The following HMGN5 variants were observed in gnomAD, a reference collection of about 807,000 sequenced individuals.
HMGN5 encodes high mobility group nucleosome binding domain 5, also known as high mobility group nucleosome-binding domain-containing protein 5.
Under a neutral mutation model 9.5 loss-of-function variants are expected in HMGN5, and 4 were observed. That is an observed-to-expected ratio of 0.42 (90% CI 0.21 to 0.96). The LOEUF is 0.96. HMGN5 is among the 40% of genes least tolerant of loss of function. The pLI is 0.30. For synonymous variants in HMGN5, 55 were observed against 57.1 expected, an observed-to-expected ratio of 0.96 and a Z score of 0.16; for missense variants, 192 against 187.5, an observed-to-expected ratio of 1.02 and a Z score of -0.14.
At chrX:81,149,064 G>C (rs2075353614) in intron 1 of HMGN5, among the ~76,000 whole-genome samples, 1 of 111,889 alleles carries the variant, frequency 8.9e-6, no homozygotes, top group Non-Finnish European at 1.9e-5. Context: ...GTGGAATCCA[G>C]TGTGGCAATT....
At position 81,114,066 on chromosome X, in the gene HMGN5, AATC is replaced by A. The variant is rs1295664413; in HGVS notation, c.*580_*582del. The A allele has an allele frequency of 4.5e-5, 5 of 112,191 alleles. No homozygotes were observed. Among genetic ancestry groups the A allele is most frequent in the African/African-American group, 6.5e-5 (2 of 30,925 alleles). The allele number at this position is 112,191 out of a possible 1,213,427, so 9.2% of individuals were successfully genotyped here. A position where few individuals can be genotyped will look rare whatever the true frequency, so the allele number is the denominator to read the frequency against. ...TATTTTTGAAGATATAACAAAACAC[AATC>A]ATCGTCAGAGTCTTTTTATTAAGAT... On this transcript the variant is annotated 3_prime_UTR_variant, in exon 7 of 7. Transcript: ENST00000358130.
chrX:81,163,672 T>A (rs2075403634), intron 1 of HMGN5, among the ~76,000 whole-genome samples: 2 of 112,067 alleles, frequency 1.8e-5, no homozygotes, highest in South Asian at 7.3e-4. Flanking sequence ...TCTACCTTCC[T>A]AACCTAAGGA....
At chrX:81,173,022 C>T (rs1415369832) in intron 1 of HMGN5, among the ~76,000 whole-genome samples, 1 of 111,141 alleles carries the variant, frequency 9.0e-6, no homozygotes, top group Admixed American at 9.6e-5. Context: ...AACAATCCTA[C>T]TAGAATTTAT....
chrX:81,162,987 C>T (rs989187696), intron 1 of HMGN5, among the ~76,000 whole-genome samples: 3 of 111,445 alleles, frequency 2.7e-5, no homozygotes, highest in Non-Finnish European at 5.7e-5. Context: ...ATGGGGTCTG[C>T]GTTCCCCTCC....
At chrX:81,146,446 C>T (rs2075343925) in intron 1 of HMGN5, among the ~76,000 whole-genome samples, 1 of 111,017 alleles carries the variant, frequency 9.0e-6, no homozygotes, top group Admixed American at 9.6e-5. Context: ...TCTTTAAAAC[C>T]AAGGGGAACA....
At chrX:81,181,334 A>G (rs899067400) in intron 1 of HMGN5, among the ~76,000 whole-genome samples, 1 of 111,541 alleles carries the variant, frequency 9.0e-6, no homozygotes, top group Admixed American at 9.5e-5. Context: ...GTGGGTACAT[A>G]GTATGTGCAT....
intron 1 of HMGN5, among the ~76,000 whole-genome samples, chrX:81,141,977 C>G (rs1213070673): frequency 8.9e-6 from 1 of 111,811 alleles, no homozygotes; most frequent in Non-Finnish European, 1.9e-5. Context: ...AGAAGGAATT[C>G]AGAATTCTAT....
chrX:81,134,685 T>C (rs1442510583), intron 1 of HMGN5, among the ~76,000 whole-genome samples: 2 of 110,910 alleles, frequency 1.8e-5, no homozygotes, highest in Non-Finnish European at 3.8e-5. Context: ...CCTTGGAAAA[T>C]AAAAATAAAG....
chrX:81,163,888 G>T (rs2075404054), intron 1 of HMGN5, among the ~76,000 whole-genome samples: 1 of 111,378 alleles, frequency 9.0e-6, no homozygotes, highest in Non-Finnish European at 1.9e-5. Context: ...TCTGAGACAG[G>T]TTATTTATTG....
chrX:81,143,088 A>G (rs2075334016), intron 1 of HMGN5, among the ~76,000 whole-genome samples: 1 of 111,564 alleles, frequency 9.0e-6, no homozygotes, highest in Admixed American at 9.6e-5. Flanking sequence ...ATTACATAGT[A>G]TTTGCAAGCC....
intron 1 of HMGN5, among the ~76,000 whole-genome samples, chrX:81,193,469 G>A (rs1196372048): frequency 8.9e-6 from 1 of 112,185 alleles, no homozygotes; most frequent in Admixed American, 9.5e-5. Flanking sequence ...CAGTAGAGAA[G>A]AGACAAGTAG....
At chrX:81,198,455 G>A (rs1462081648) in intron 1 of HMGN5, among the ~76,000 whole-genome samples, 1 of 110,981 alleles carries the variant, frequency 9.0e-6, no homozygotes, top group Non-Finnish European at 1.9e-5. Context: ...TATCTCTGAT[G>A]AACATCGATG....
chrX:81,152,238 C>T (rs1479707625), intron 1 of HMGN5, among the ~76,000 whole-genome samples: 6 of 111,462 alleles, frequency 5.4e-5, no homozygotes, highest in Non-Finnish European at 7.5e-5. Flanking sequence ...TTTTCACAAC[C>T]GACTCATCTG....
intron 1 of HMGN5, among the ~76,000 whole-genome samples, chrX:81,177,217 T>C (rs868163532): frequency 9.3e-6 from 1 of 107,113 alleles, no homozygotes; most frequent in Admixed American, 1.0e-4. Flanking sequence ...TAAAAAAAAA[T>C]TTCAACCCAG....
chrX:81,190,187 G>T (rs894427299), intron 1 of HMGN5, among the ~76,000 whole-genome samples: 1 of 111,684 alleles, frequency 9.0e-6, no homozygotes, highest in African/African-American at 3.2e-5. Flanking sequence ...TTGTAAAACT[G>T]TCCCTTATCG....
At chrX:81,166,815 G>A (rs887360717) in intron 1 of HMGN5, among the ~76,000 whole-genome samples, 3 of 111,365 alleles carry the variant, frequency 2.7e-5, no homozygotes, top group South Asian at 3.8e-4. Flanking sequence ...ACTTTAGAAA[G>A]GTTCAAGCAA....
At chrX:81,122,215 AGAG>A (rs1423504043) in intron 1 of HMGN5, among the ~76,000 whole-genome samples, 2 of 111,886 alleles carry the variant, frequency 1.8e-5, no homozygotes, top group African/African-American at 6.5e-5. Context: ...GGTGCTGGCA[AGAG>A]GAGGGTGCCA....
intron 1 of HMGN5, among the ~76,000 whole-genome samples, chrX:81,160,517 C>G (rs1209821215): frequency 9.1e-6 from 1 of 110,481 alleles, no homozygotes; most frequent in Non-Finnish European, 1.9e-5. Flanking sequence ...GCTCTCCTTC[C>G]CCTTGCCCCT....
At position 81,151,414 on chromosome X, in the gene HMGN5, T is replaced by C. The variant is rs1323014988; in HGVS notation, c.-123-29742A>G. ...CCAGCTTTGTTCTTTTGGCTTAGGATTGACTTGGCGATGTAGGCTCTTTTT... is the reference window on the plus strand; with the variant it reads ...CCAGCTTTGTTCTTTTGGCTTAGGACTGACTTGGCGATGTAGGCTCTTTTT... On this transcript the variant is annotated intron_variant, in intron 1 of 6. Coordinates refer to ENST00000358130, the MANE Select transcript of HMGN5 (RefSeq NM_030763.3). Among the ~76,000 whole-genome samples, 6 of 111,601 alleles carry C rather than the reference T, an allele frequency of 5.4e-5. No individual in the cohort carries two copies. In the East Asian group the frequency reaches 1.4e-3, roughly 26 times the overall value.
Sources: gnomAD v4.1 joint callset for allele counts (sites outside exome capture counted in the v4.1 genomes callset) on GRCh38, gnomAD v4.1.1 for gene constraint, MANE v1.5 for transcripts, NCBI Gene and HGNC (gene_info 2026-07-23, HGNC 2026-07-21) for gene names.